Variants in CSMD1 observed in about 807,000 individuals in gnomAD.
CSMD1 encodes the protein CUB and sushi domain-containing protein 1.
CSMD1 carries 213 observed loss-of-function variants against 417.5 expected under a neutral mutation model. The ratio of observed to expected loss-of-function variants is 0.51; its 90% CI spans 0.46 to 0.57. The LOEUF (loss-of-function observed/expected upper bound fraction) is 0.57. CSMD1 is among the 20% of genes least tolerant of loss of function. The pLI is 0.00. For synonymous variants in CSMD1, 2,862 were observed against 1,736.8 expected, an observed-to-expected ratio of 1.65 and a Z score of -16.11; for missense variants, 6,923 against 4,529.7, an observed-to-expected ratio of 1.53 and a Z score of -15.17.
intron 1 of CSMD1, among the ~76,000 whole-genome samples, chr8:4,845,979 T>A (rs539826877): frequency 9.2e-5 from 14 of 152,320 alleles, no homozygotes; most frequent in African/African-American, 3.4e-4. Flanking sequence ...GCTATAAATT[T>A]GCTGAGTCAG....
intron 2 of CSMD1, among the ~76,000 whole-genome samples, chr8:4,563,926 C>T (rs368385794): frequency 2.0e-5 from 3 of 152,112 alleles, no homozygotes; most frequent in Non-Finnish European, 4.4e-5. Flanking sequence ...TAGCACAGTT[C>T]CACAGAATAA....
At chr8:4,341,915 C>T (rs1292950932) in intron 3 of CSMD1, among the ~76,000 whole-genome samples, 1 of 152,074 alleles carries the variant, frequency 6.6e-6, no homozygotes, top group Non-Finnish European at 1.5e-5. Context: ...ATTATCTGTA[C>T]TTAGAATTAG....
At chr8:3,129,010 C>A in intron 41 of CSMD1, 2 of 347,314 alleles carry the variant, frequency 5.8e-6, no homozygotes, top group South Asian at 2.3e-5. Context: ...AAATAAAACA[C>A]TTGCTTAGCC....
chr8:3,809,518 A>T (rs1800941790), intron 5 of CSMD1, among the ~76,000 whole-genome samples: 1 of 152,160 alleles, frequency 6.6e-6, no homozygotes. Flanking sequence ...GGGTCATCCC[A>T]GAAATTAGTG....
At chr8:3,041,562 T>G (rs998771792) in intron 50 of CSMD1, among the ~76,000 whole-genome samples, 1 of 152,260 alleles carries the variant, frequency 6.6e-6, no homozygotes, top group African/African-American at 2.4e-5. Flanking sequence ...GAAATATTTT[T>G]GGTTGTTACA....
chr8:4,870,800 G>A (rs192690805), intron 1 of CSMD1, among the ~76,000 whole-genome samples: 89 of 152,244 alleles, frequency 5.8e-4, no homozygotes, highest in African/African-American at 2.1e-3. Context: ...ATGCCACCGA[G>A]GAAGAAAGAG....
At chr8:3,233,370 C>T (rs1339743042) in intron 26 of CSMD1, among the ~76,000 whole-genome samples, 2 of 152,314 alleles carry the variant, frequency 1.3e-5, no homozygotes, top group Admixed American at 6.5e-5. Flanking sequence ...GTTAGGACTC[C>T]AGAATCCCCA....
chr8:4,148,646 G>A (rs531173571), intron 3 of CSMD1, among the ~76,000 whole-genome samples: 16 of 152,242 alleles, frequency 1.1e-4, no homozygotes, highest in African/African-American at 3.9e-4. Flanking sequence ...TCCTCACCTT[G>A]TGGATGGCAG....
chr8:4,233,274 A>G (rs961769622), intron 3 of CSMD1, among the ~76,000 whole-genome samples: 4 of 152,168 alleles, frequency 2.6e-5, no homozygotes, highest in Non-Finnish European at 4.4e-5. Flanking sequence ...TTGTATGCAG[A>G]AGTGCCCACT....
intron 4 of CSMD1, among the ~76,000 whole-genome samples, chr8:4,022,184 G>GTATA (rs10631130): frequency 0.021 from 2,502 of 118,046 alleles, 68 homozygotes; most frequent in African/African-American, 0.064. Flanking sequence ...ATATTTATGT[G>GTATA]TATATATATA....
intron 1 of CSMD1, among the ~76,000 whole-genome samples, chr8:4,817,481 G>T (rs1299306709): frequency 6.6e-6 from 1 of 152,214 alleles, no homozygotes; most frequent in Non-Finnish European, 1.5e-5. Flanking sequence ...GGCCCAAAGG[G>T]CACGTCCAAT....
At chr8:4,271,723 AG>A (rs1472243727) in intron 3 of CSMD1, among the ~76,000 whole-genome samples, 1 of 152,184 alleles carries the variant, frequency 6.6e-6, no homozygotes, top group Non-Finnish European at 1.5e-5. Flanking sequence ...ACTAAATCCC[AG>A]GCCTGTATAT....
chr8:3,052,415 T>C (rs1381677377), intron 50 of CSMD1, 47 bp downstream of exon 50: 1 of 1,483,024 alleles, frequency 6.7e-7, no homozygotes, highest in Non-Finnish European at 9.1e-7. Flanking sequence ...AAGCATTCAG[T>C]TCCCACCTAA....
chr8:4,564,156 G>A (rs1056716694), intron 2 of CSMD1, among the ~76,000 whole-genome samples: 1 of 152,188 alleles, frequency 6.6e-6, no homozygotes, highest in African/African-American at 2.4e-5. Context: ...AAAAGGTTCA[G>A]AAGATAATGG....
At chr8:3,172,597 G>A (rs1478546610) in intron 37 of CSMD1, among the ~76,000 whole-genome samples, 1 of 152,182 alleles carries the variant, frequency 6.6e-6, no homozygotes, top group Non-Finnish European at 1.5e-5. Context: ...GGCGAGACAT[G>A]TGAGTGGAGT....
At chr8:4,815,168 T>G (rs1220723674) in intron 1 of CSMD1, among the ~76,000 whole-genome samples, 1 of 152,154 alleles carries the variant, frequency 6.6e-6, no homozygotes, top group East Asian at 1.9e-4. Context: ...TAATAATGAA[T>G]GTCTCCAGAT....
chr8:3,292,987 G>A (rs893350701), intron 25 of CSMD1, among the ~76,000 whole-genome samples: 20 of 151,938 alleles, frequency 1.3e-4, no homozygotes, highest in Admixed American at 2.0e-4. Flanking sequence ...TCCATGTTTA[G>A]TGCTTCCTTC....
chr8:4,544,658 C>T lies in CSMD1; in HGVS notation c.302+92684G>A, dbSNP rs146487334. On this transcript the variant is annotated intron_variant, in intron 2 of 69. Transcript: ENST00000635120. ...AACTATAGTTGGTAAGATGCATTAA[C>T]GTATTCCATGTCCAGCTTTAAGCCA... 4.2e-3 allele frequency among the ~76,000 whole-genome samples: 643 copies of T among 152,250 alleles called. 6 individuals carry two copies. Among genetic ancestry groups the T allele is most frequent in the African/African-American group, 0.015 (605 of 41,550 alleles).
intron 12 of CSMD1, among the ~76,000 whole-genome samples, chr8:3,439,307 A>ATTTTTTT (rs1356132702): frequency 9.1e-5 from 4 of 43,806 alleles, no homozygotes; most frequent in Middle Eastern, 0.01. Context: ...ATATATATAT[A>ATTTTTTT]TATTTTTTTT....
Sources: allele counts gnomAD v4.1 joint callset (sites outside exome capture counted in the v4.1 genomes callset), GRCh38; gene constraint gnomAD v4.1.1; transcripts MANE v1.5; gene names NCBI Gene and HGNC (gene_info 2026-07-23, HGNC 2026-07-21).